The following SCAPER variants were observed in gnomAD, a reference collection of about 807,000 sequenced individuals.
SCAPER encodes S phase cyclin A-associated protein in the endoplasmic reticulum.
A neutral mutation model predicts 182.2 loss-of-function variants in SCAPER; 98 were observed. The observed-to-expected ratio is 0.54, with a 90% confidence interval of 0.46 to 0.64. The LOEUF (loss-of-function observed/expected upper bound fraction) is 0.64. Ranked by LOEUF, SCAPER falls within the 30% of genes least tolerant of loss-of-function variation. The pLI is 0.00. For missense variants in SCAPER, 1,432 were observed against 1,690.0 expected, an observed-to-expected ratio of 0.85 and a Z score of 2.68; for synonymous variants, 605 against 564.6, an observed-to-expected ratio of 1.07 and a Z score of -1.01.
intron 17 of SCAPER, among the ~76,000 whole-genome samples, chr15:76,723,504 T>C (rs547881918): frequency 2.6e-5 from 4 of 152,290 alleles, no homozygotes; most frequent in African/African-American, 7.2e-5. Flanking sequence ...TTCTGTCTCA[T>C]TGATCTGTCT....
At chr15:76,866,239 C>T (rs1033200996) in intron 2 of SCAPER, among the ~76,000 whole-genome samples, 1 of 151,102 alleles carries the variant, frequency 6.6e-6, no homozygotes, top group Non-Finnish European at 1.5e-5. Context: ...GAGAGAGACA[C>T]TGAGTGTGTG....
intron 21 of SCAPER, among the ~76,000 whole-genome samples, chr15:76,623,742 C>A (rs1345621080): frequency 6.6e-6 from 1 of 152,076 alleles, no homozygotes; most frequent in East Asian, 1.9e-4. Flanking sequence ...TCTTTTATGG[C>A]TCCATATGCA....
chr15:76,504,084 C>T (rs1030647801), intron 24 of SCAPER, among the ~76,000 whole-genome samples: 14 of 151,908 alleles, frequency 9.2e-5, no homozygotes, highest in African/African-American at 3.1e-4. Flanking sequence ...GACGGGGTCT[C>T]GCTACATTGC....
At chr15:76,374,585 G>A (rs972055401) in intron 29 of SCAPER, among the ~76,000 whole-genome samples, 4 of 150,102 alleles carry the variant, frequency 2.7e-5, no homozygotes, top group Admixed American at 1.3e-4. Flanking sequence ...TGGTTCAAGC[G>A]ATTCTCCTGC....
chr15:76,901,725 T>TA (rs1444639407), intron 1 of SCAPER, among the ~76,000 whole-genome samples: 1 of 4,042 alleles, frequency 2.5e-4, no homozygotes, highest in African/African-American at 4.2e-4. Context: ...TTCTAATAAT[T>TA]TTTTTTTTTT....
chr15:76,733,644 C>T (rs2061062733), intron 15 of SCAPER, among the ~76,000 whole-genome samples: 1 of 151,670 alleles, frequency 6.6e-6, no homozygotes, highest in South Asian at 2.1e-4. Context: ...ATCCCAGCTA[C>T]TCGGGAGGCA....
intron 26 of SCAPER, among the ~76,000 whole-genome samples, chr15:76,420,699 C>T (rs2045970448): frequency 6.6e-6 from 1 of 152,184 alleles, no homozygotes; most frequent in South Asian, 2.1e-4. Context: ...TATACATGCG[C>T]CATGTTGGTG....
At chr15:76,549,792 A>C (rs980677263) in intron 23 of SCAPER, among the ~76,000 whole-genome samples, 1 of 152,200 alleles carries the variant, frequency 6.6e-6, no homozygotes, top group Non-Finnish European at 1.5e-5. Flanking sequence ...CCTATCTCTC[A>C]TCATATACAA....
intron 4 of SCAPER, among the ~76,000 whole-genome samples, chr15:76,856,046 T>C (rs954244147): frequency 2.0e-5 from 3 of 152,026 alleles, no homozygotes; most frequent in African/African-American, 7.2e-5. Flanking sequence ...ACAGACTGGA[T>C]AAAGAAAATT....
chr15:76,773,993 C>G (rs929307450), intron 9 of SCAPER, among the ~76,000 whole-genome samples: 1 of 151,736 alleles, frequency 6.6e-6, no homozygotes, highest in Non-Finnish European at 1.5e-5. Flanking sequence ...AACATCAACT[C>G]AACTCACAGA....
At chr15:76,759,050 C>T (rs1402191262) in intron 14 of SCAPER, among the ~76,000 whole-genome samples, 1 of 152,086 alleles carries the variant, frequency 6.6e-6, no homozygotes, top group Non-Finnish European at 1.5e-5. Context: ...TCTTTCCCTT[C>T]CCATATAATG....
At chr15:76,861,326 T>C (rs1032057282) in intron 3 of SCAPER, among the ~76,000 whole-genome samples, 8 of 152,194 alleles carry the variant, frequency 5.3e-5, no homozygotes, top group African/African-American at 1.7e-4. Flanking sequence ...AGACAACACT[T>C]AAAGCAATTG....
At chr15:76,485,524 C>T (rs1397717702) in intron 24 of SCAPER, among the ~76,000 whole-genome samples, 1 of 151,992 alleles carries the variant, frequency 6.6e-6, no homozygotes, top group Non-Finnish European at 1.5e-5. Flanking sequence ...CACAGAACTA[C>T]AAAAAACAAT....
At chr15:76,715,888 C>T (rs1408452802) in intron 17 of SCAPER, among the ~76,000 whole-genome samples, 1 of 152,108 alleles carries the variant, frequency 6.6e-6, no homozygotes, top group African/African-American at 2.4e-5. Context: ...GAACTGAATC[C>T]ACTCATGCCT....
At chr15:76,650,249 T>C (rs773328902) in intron 21 of SCAPER, among the ~76,000 whole-genome samples, 8 of 151,902 alleles carry the variant, frequency 5.3e-5, no homozygotes, top group Non-Finnish European at 8.8e-5. Context: ...AAAAAGGAGA[T>C]TCAATTACAT....
At chr15:76,713,519 T>A (rs1337134424) in intron 17 of SCAPER, among the ~76,000 whole-genome samples, 1 of 151,732 alleles carries the variant, frequency 6.6e-6, no homozygotes, top group African/African-American at 2.4e-5. Context: ...CTCAGCAAAC[T>A]ATCGCAAGGA....
chr15:76,478,234 A>G (rs2050817472), intron 24 of SCAPER, among the ~76,000 whole-genome samples: 1 of 151,958 alleles, frequency 6.6e-6, no homozygotes, highest in Admixed American at 6.6e-5. Flanking sequence ...CTAGTTTGCT[A>G]TTTTAAAATT....
At chr15:76,716,298 C>G (rs895333556) in intron 17 of SCAPER, among the ~76,000 whole-genome samples, 8 of 152,164 alleles carry the variant, frequency 5.3e-5, no homozygotes, top group African/African-American at 1.9e-4. Context: ...ACCCTCAGGC[C>G]CATCTTCAAG....
chr15:76,463,504 T>C (rs977225107), intron 25 of SCAPER, among the ~76,000 whole-genome samples: 1 of 152,264 alleles, frequency 6.6e-6, no homozygotes, highest in Non-Finnish European at 1.5e-5. Flanking sequence ...ATATCAATTA[T>C]TTAAGGTTAG....
Sources: allele counts gnomAD v4.1 joint callset (sites outside exome capture counted in the v4.1 genomes callset), GRCh38; gene constraint gnomAD v4.1.1; transcripts MANE v1.5; gene names NCBI Gene and HGNC (gene_info 2026-07-23, HGNC 2026-07-21).